Variants in MYCBP2 observed in about 807,000 individuals in gnomAD.
MYCBP2 encodes MYC binding protein 2, also known as E3 ubiquitin-protein ligase MYCBP2.
Under a neutral mutation model 525.3 loss-of-function variants are expected in MYCBP2, and 120 were observed. The ratio of observed to expected loss-of-function variants is 0.23; its 90% CI spans 0.20 to 0.27. The LOEUF (loss-of-function observed/expected upper bound fraction) is 0.27, where lower values mean the gene tolerates loss of function less well. Among genes scored for constraint, MYCBP2 ranks in the 10% least tolerant of loss-of-function variants. MYCBP2 has a pLI of 1.00. For missense variants in MYCBP2, 4,149 were observed against 5,657.1 expected (o/e 0.73, Z 8.55); for synonymous variants, 1,894 against 1,955.8 (o/e 0.97, Z 0.83).
At chr13:77,230,628 G>A (rs1157039456) in intron 18 of MYCBP2, among the ~76,000 whole-genome samples, 3 of 152,150 alleles carry the variant, frequency 2.0e-5, no homozygotes, top group African/African-American at 7.2e-5. Context: ...ATAATTTTAT[G>A]CAATATTTTA....
At position 77,126,298 on chromosome 13, in the gene MYCBP2, G is replaced by A; in HGVS notation, c.7884+20C>T. On this transcript the variant is annotated intron_variant, in intron 53 of 82. Coordinates refer to ENST00000544440, the MANE Select transcript of MYCBP2 (RefSeq NM_015057.5). Reference sequence around the variant, plus strand: ...TAAAAATGAGTATCTTAGAAGTCATGAAGCTACAAGAATCCATACCTCTCC... The same window carrying A: ...TAAAAATGAGTATCTTAGAAGTCATAAAGCTACAAGAATCCATACCTCTCC... 1.3e-6 allele frequency: 2 copies of A among 1,598,676 alleles called. No individual in the cohort carries two copies. The highest frequency in any genetic ancestry group is 1.7e-6 in the Non-Finnish European group (2 of 1,167,170).
intron 55 of MYCBP2, chr13:77,118,666 G>T: frequency 8.5e-6 from 4 of 468,960 alleles, no homozygotes; most frequent in Non-Finnish European, 7.6e-6. Context: ...ATTAGGGACC[G>T]AATTTTGCAA....
Position 77,233,289 on chromosome 13 carries a change from A to G in MYCBP2, c.2630-26T>C, listed in dbSNP as rs777052444. ...CTGAGGAGAAACATTTTGTATGTGC[A>G]TAGAAAAACTCACAAAATGAAAACA... On this transcript the variant is annotated intron_variant, in intron 17 of 82. Coordinates refer to ENST00000544440, the MANE Select transcript of MYCBP2 (RefSeq NM_015057.5). The G allele has an allele frequency of 1.7e-5, 26 of 1,526,316 alleles. 1 individual carries two copies. Among genetic ancestry groups the G allele is most frequent in the African/African-American group, 2.7e-5 (2 of 72,764 alleles). 94.5% of individuals were successfully genotyped at this position (1,526,316 alleles called of 1,614,324 possible).
intron 33 of MYCBP2, among the ~76,000 whole-genome samples, chr13:77,181,345 T>C (rs1195530537): frequency 6.6e-6 from 1 of 152,126 alleles, no homozygotes; most frequent in Non-Finnish European, 1.5e-5. Context: ...TTGTTCTATC[T>C]TAGAAATCTA....
chr13:77,136,210 G>A (rs534323751), intron 52 of MYCBP2, among the ~76,000 whole-genome samples: 5 of 152,292 alleles, frequency 3.3e-5, no homozygotes, highest in African/African-American at 1.2e-4. Flanking sequence ...TTAGTTCCTA[G>A]ACTTAGGCAC....
intron 13 of MYCBP2, 46 bp from the exon 14 acceptor site, chr13:77,257,875 C>T: frequency 2.0e-6 from 3 of 1,512,284 alleles, no homozygotes; most frequent in Non-Finnish European, 1.8e-6. Flanking sequence ...AAAGGCCCTT[C>T]TGAGCCTAGT....
intron 55 of MYCBP2, among the ~76,000 whole-genome samples, chr13:77,105,668 C>A (rs933987691): frequency 7.2e-5 from 11 of 152,064 alleles, no homozygotes; most frequent in African/African-American, 2.6e-4. Flanking sequence ...AATAATAATG[C>A]TTTTACAAAA....
In MYCBP2 at chr13:77,061,771, T is replaced by C; in HGVS notation, c.12794A>G (p.Asp4265Gly). 6.2e-7 allele frequency: 1 copy of C among 1,607,072 alleles called. No homozygotes were observed. Residue 4265 changes from aspartate (D) to glycine (G), a missense_variant, in exon 75 of 83, where the codon GAT becomes GGT. Physicochemically the swap from Asp to Gly is moderately conservative, Grantham distance 94. Around this residue, in one of 21 missense-constraint regions of MYCBP2, gnomAD observed 220 missense variants for 396.0 expected, o/e 0.56. Transcript: ENST00000544440. ...AATGATTGCTGCAGTTTCACCATCA[T>C]CATGGTTATCACACATAGGCTAAAA... ...QKQMPMCDNHDDGETAAIILC... is the reference protein window; with the variant it reads ...QKQMPMCDNHGDGETAAIILC...
intron 52 of MYCBP2, among the ~76,000 whole-genome samples, chr13:77,130,108 T>C (rs2052485859): frequency 2.6e-5 from 4 of 151,826 alleles, no homozygotes; most frequent in Admixed American, 2.0e-4. Context: ...TCTATATTTA[T>C]CTGATTTGAA....
At chr13:77,135,096 T>A (rs1213780040) in intron 52 of MYCBP2, among the ~76,000 whole-genome samples, 1 of 152,216 alleles carries the variant, frequency 6.6e-6, no homozygotes, top group Non-Finnish European at 1.5e-5. Context: ...CACACATTGA[T>A]GTCAATACAA....
intron 54 of MYCBP2, among the ~76,000 whole-genome samples, chr13:77,122,813 A>C (rs757147722): frequency 6.6e-6 from 1 of 152,154 alleles, no homozygotes; most frequent in Non-Finnish European, 1.5e-5. Context: ...GGTACTGTAT[A>C]ATCTATCCCT....
intron 32 of MYCBP2, among the ~76,000 whole-genome samples, chr13:77,183,303 T>C (rs2060391139): frequency 6.6e-6 from 1 of 152,108 alleles, no homozygotes; most frequent in Non-Finnish European, 1.5e-5. Context: ...TTGTAAAAGG[T>C]TGACATTATT....
intron 70 of MYCBP2, among the ~76,000 whole-genome samples, chr13:77,068,146 TAAGAA>T (rs1408596181): frequency 6.6e-6 from 1 of 152,062 alleles, no homozygotes; most frequent in Non-Finnish European, 1.5e-5. Context: ...TCAAAATCTT[TAAGAA>T]AAGAAATATG....
intron 17 of MYCBP2, among the ~76,000 whole-genome samples, chr13:77,240,453 C>T (rs1011275070): frequency 5.3e-5 from 8 of 151,914 alleles, no homozygotes; most frequent in Non-Finnish European, 8.8e-5. Flanking sequence ...ACTAAAAATA[C>T]AAAAATTAGC....
intron 55 of MYCBP2, chr13:77,099,631 T>C (rs945117979): frequency 6.5e-6 from 1 of 152,686 alleles, no homozygotes; most frequent in African/African-American, 2.4e-5. Flanking sequence ...TATTTAATTA[T>C]TTATAAACAG....
chr13:77,145,881 T>G (rs991410637), intron 48 of MYCBP2, among the ~76,000 whole-genome samples: 1 of 151,662 alleles, frequency 6.6e-6, no homozygotes, highest in African/African-American at 2.4e-5. Context: ...TAATCAACCC[T>G]AAACAAGTCA....
intron 55 of MYCBP2, among the ~76,000 whole-genome samples, chr13:77,116,477 C>G (rs2049795070): frequency 1.3e-5 from 2 of 151,998 alleles, no homozygotes; most frequent in African/African-American, 4.8e-5. Context: ...AAAATTAAAA[C>G]TATTTTCAGA....
At position 77,135,840 on chromosome 13, in the gene MYCBP2, T is replaced by A. The variant is rs532876613; in HGVS notation, c.7659+3356A>T. On this transcript the variant is annotated intron_variant, in intron 52 of 82. Transcript: ENST00000544440. The stretch of plus-strand genomic sequence containing the variant: ...TAAACACATTGTTTTTATCTTTTTT[T>A]TCTTTTTTTTTTTTGAGACGGAGTC... Among the ~76,000 whole-genome samples the A allele has an allele frequency of 3.8e-4, 58 of 152,128 alleles. 2 individuals carry two copies. In the South Asian group the frequency reaches 0.012, roughly 30 times the overall value.
At chr13:77,093,521 C>T (rs2045764418) in intron 58 of MYCBP2, among the ~76,000 whole-genome samples, 189 bp from the exon 59 acceptor site, 1 of 152,056 alleles carries the variant, frequency 6.6e-6, no homozygotes, top group African/African-American at 2.4e-5. Flanking sequence ...TTCCAGGTAC[C>T]ACGAACATTT....
Sources: allele counts gnomAD v4.1 joint callset (sites outside exome capture counted in the v4.1 genomes callset), GRCh38; gene constraint gnomAD v4.1.1; regional missense constraint gnomAD v4.1.1; transcripts MANE v1.5; gene names NCBI Gene and HGNC (gene_info 2026-07-23, HGNC 2026-07-21).